Variants in ANKRD11 observed in about 807,000 individuals in gnomAD.
ANKRD11 encodes the protein ankyrin repeat domain 11.
Under a neutral mutation model 195.7 loss-of-function variants are expected in ANKRD11, and 17 were observed. The ratio of observed to expected loss-of-function variants is 0.09; its 90% confidence interval spans 0.06 to 0.13. ANKRD11 has a LOEUF of 0.13. ANKRD11 is among the 10% of genes least tolerant of loss of function. The probability of loss-of-function intolerance (pLI) is 1.00; values close to 1 mark genes in which losing one functional copy is unlikely to be tolerated. For synonymous variants in ANKRD11, 1,953 were observed against 1,528.1 expected (o/e 1.28, Z -6.49); for missense variants, 3,735 against 3,566.1 (o/e 1.05, Z -1.21).
chr16:89,486,545 G>A (rs900161042), intron 1 of ANKRD11, among the ~76,000 whole-genome samples: 1 of 152,070 alleles, frequency 6.6e-6, no homozygotes, highest in African/African-American at 2.4e-5. Context: ...ATCTGCATGA[G>A]ATGGCAGCGA....
chr16:89,481,099 C>T (rs1156281765), intron 1 of ANKRD11, among the ~76,000 whole-genome samples: 1 of 152,190 alleles, frequency 6.6e-6, no homozygotes, highest in Non-Finnish European at 1.5e-5. Context: ...TTTCACAAAG[C>T]CACTCTCCTA....
At chr16:89,351,609 G>C (rs1449929370) in intron 2 of ANKRD11, among the ~76,000 whole-genome samples, 1 of 152,230 alleles carries the variant, frequency 6.6e-6, no homozygotes, top group Admixed American at 6.5e-5. Flanking sequence ...TTGGCATTGA[G>C]GCAATGCTGC....
chr16:89,437,513 C>T (rs568496932), intron 1 of ANKRD11, among the ~76,000 whole-genome samples: 2 of 152,232 alleles, frequency 1.3e-5, no homozygotes, highest in African/African-American at 4.8e-5. Flanking sequence ...CCCTCACTTC[C>T]CAGCATGCCA....
intron 2 of ANKRD11, among the ~76,000 whole-genome samples, chr16:89,375,814 TTCATTGTGTTTAC>T (rs1487517677): frequency 2.0e-5 from 3 of 150,840 alleles, no homozygotes; most frequent in African/African-American, 7.3e-5. Flanking sequence ...TCAAGTCTTT[TTCATTGTGTTTAC>T]TCAATACCAT....
intron 1 of ANKRD11, among the ~76,000 whole-genome samples, chr16:89,469,185 A>C (rs1266425593): frequency 6.6e-6 from 1 of 152,094 alleles, no homozygotes; most frequent in Non-Finnish European, 1.5e-5. Flanking sequence ...GTTTCAAAAA[A>C]AAAAAGAGGA....
At chr16:89,434,876 G>C (rs1207412544) in intron 1 of ANKRD11, among the ~76,000 whole-genome samples, 5 of 152,226 alleles carry the variant, frequency 3.3e-5, no homozygotes, top group African/African-American at 1.2e-4. Flanking sequence ...TAACTGGTGA[G>C]ACTGCACCAA....
chr16:89,347,589 C>T (rs1430578256), intron 2 of ANKRD11, among the ~76,000 whole-genome samples: 2 of 136,200 alleles, frequency 1.5e-5, no homozygotes, highest in African/African-American at 2.8e-5. Context: ...CCAGCCTGGG[C>T]GACAGAGCGA....
chr16:89,459,522 T>C (rs1447045389), intron 1 of ANKRD11: 1 of 152,188 alleles, frequency 6.6e-6, no homozygotes, highest in Non-Finnish European at 1.5e-5. Flanking sequence ...TTTCCAACCT[T>C]AAGTGAATTT....
chr16:89,286,297 A>C, intron 7 of ANKRD11, 111 bp from the exon 8 acceptor site: 1 of 1,475,274 alleles, frequency 6.8e-7, no homozygotes, highest in South Asian at 1.1e-5. Flanking sequence ...ACCCGAGAGC[A>C]GCCCCTCACG....
intron 2 of ANKRD11, chr16:89,403,838 A>T (rs1383215831): frequency 6.6e-6 from 1 of 152,114 alleles, no homozygotes; most frequent in Non-Finnish European, 1.5e-5. Context: ...AAGGCTGAGG[A>T]AGGGGCATCA....
At chr16:89,423,196 C>T (rs2042583041) in intron 1 of ANKRD11, among the ~76,000 whole-genome samples, 1 of 152,266 alleles carries the variant, frequency 6.6e-6, no homozygotes, top group Non-Finnish European at 1.5e-5. Flanking sequence ...CCTACACTGG[C>T]CTTGGTCTCA....
rs544307220 is a variant in ANKRD11 at position 89,377,913 on chromosome 16, AATG to A, written c.-60+40368_-60+40370del. On this transcript the variant is annotated intron_variant, in intron 2 of 12. Coordinates refer to ENST00000301030, the MANE Select transcript of ANKRD11 (RefSeq NM_013275.6). ...CACCCCTCCTCCTTCTACTCAATGA[AATG>A]ATGAGGATGAAGACCTTCATGATGA... Among the ~76,000 whole-genome samples, 582 of 152,172 alleles carry A rather than the reference AATG, an allele frequency of 3.8e-3. 5 individuals are homozygous for A. The highest frequency in any genetic ancestry group is 6.0e-3 in the Non-Finnish European group (410 of 67,998).
chr16:89,350,947 T>C (rs1250821141), intron 2 of ANKRD11, among the ~76,000 whole-genome samples: 1 of 152,214 alleles, frequency 6.6e-6, no homozygotes, highest in African/African-American at 2.4e-5. Context: ...GGCTCTACCA[T>C]GTAGCTTAGG....
Position 89,475,530 on chromosome 16 carries a change from A to G in ANKRD11, c.-145+14715T>C, listed in dbSNP as rs1344199212. On this transcript the variant is annotated intron_variant, in intron 1 of 12. Transcript: ENST00000301030. Reference sequence around the variant, plus strand: ...AGAATTTTGATAAAGAACTAGGTAGAAGACATCGGTAACATTAATGCTAAT... The same window carrying G: ...AGAATTTTGATAAAGAACTAGGTAGGAGACATCGGTAACATTAATGCTAAT... Among the ~76,000 whole-genome samples the G allele has an allele frequency of 2.0e-5, 3 of 152,226 alleles. No individual in the cohort carries two copies. In the East Asian group the frequency reaches 5.8e-4, roughly 29 times the overall value.
Position 89,463,005 on chromosome 16 carries a change from G to T in ANKRD11, c.-145+27240C>A, listed in dbSNP as rs548123184. On this transcript the variant is annotated intron_variant, in intron 1 of 12. Coordinates refer to ENST00000301030, the MANE Select transcript of ANKRD11 (RefSeq NM_013275.6). ...GCCCCGTCCGGGAGGGAGGTGGGGG[G>T]GTCAGCCCCCCGCCAGGCCAGCCGC... Among the ~76,000 whole-genome samples, 877 of 150,752 alleles carry T rather than the reference G, an allele frequency of 5.8e-3. 2 individuals are homozygous for T. The highest frequency in any genetic ancestry group is 0.01 in the Middle Eastern group (3 of 288).
chr16:89,404,187 C>G (rs1374999022), intron 2 of ANKRD11, among the ~76,000 whole-genome samples: 1 of 152,198 alleles, frequency 6.6e-6, no homozygotes, highest in African/African-American at 2.4e-5. Context: ...ACCCACCAGC[C>G]TCAGGCAGCA....
intron 2 of ANKRD11, among the ~76,000 whole-genome samples, chr16:89,352,953 C>T (rs2039290080): frequency 6.6e-6 from 1 of 152,220 alleles, no homozygotes; most frequent in Admixed American, 6.5e-5. Flanking sequence ...AACAAACATA[C>T]TTCAGAAAAG....
intron 1 of ANKRD11, among the ~76,000 whole-genome samples, chr16:89,429,211 A>G (rs1251198239): frequency 9.0e-6 from 1 of 111,134 alleles, no homozygotes; most frequent in African/African-American, 3.2e-5. Flanking sequence ...AGTACACAGC[A>G]GGGACTCTCA....
At chr16:89,363,481 T>A (rs1414683490) in intron 2 of ANKRD11, among the ~76,000 whole-genome samples, 3 of 147,992 alleles carry the variant, frequency 2.0e-5, no homozygotes, top group Non-Finnish European at 1.5e-5. Context: ...ATAATAAAAT[T>A]AAAAAAAAAA....
Sources: allele counts gnomAD v4.1 joint callset (sites outside exome capture counted in the v4.1 genomes callset), GRCh38; gene constraint gnomAD v4.1.1; transcripts MANE v1.5; gene names NCBI Gene and HGNC (gene_info 2026-07-23, HGNC 2026-07-21).